THAP4: variants seen among roughly 807,000 people sequenced by gnomAD.
THAP4 encodes the protein peroxynitrite isomerase THAP4.
Under a neutral mutation model 48.1 loss-of-function variants are expected in THAP4, and 18 were observed. That is an observed-to-expected ratio of 0.37 (90% CI 0.26 to 0.56). THAP4 has a LOEUF of 0.56. Among genes scored for constraint, THAP4 ranks in the 20% least tolerant of loss-of-function variants. The pLI, the probability that THAP4 is intolerant of heterozygous loss-of-function variation, is 0.78. For synonymous variants in THAP4, 345 were observed against 324.9 expected (o/e 1.06, Z -0.66); for missense variants, 656 against 774.9 (o/e 0.85, Z 1.82).
chr2:241,629,462 C>T (rs768562746), intron 2 of THAP4, among the ~76,000 whole-genome samples: 1 of 148,016 alleles, frequency 6.8e-6, no homozygotes, highest in African/African-American at 2.5e-5. Context: ...CAGAGCAAAG[C>T]CCTGTCTCTT....
At chr2:241,602,934 A>G (rs770943922) in intron 4 of THAP4, 36 bp downstream of exon 4, 2 of 1,524,092 alleles carry the variant, frequency 1.3e-6, no homozygotes, top group Non-Finnish European at 1.8e-6. Flanking sequence ...GCAGCCTCCC[A>G]TGGCCAGCCC....
chr2:241,626,097 T>C (rs1457272483), intron 2 of THAP4, among the ~76,000 whole-genome samples: 1 of 152,120 alleles, frequency 6.6e-6, no homozygotes, highest in African/African-American at 2.4e-5. Flanking sequence ...CCATTCATGA[T>C]AACAGCTCTC....
chr2:241,630,982 C>T (rs1455047944), intron 2 of THAP4, among the ~76,000 whole-genome samples: 4 of 151,974 alleles, frequency 2.6e-5, no homozygotes, highest in Non-Finnish European at 4.4e-5. Flanking sequence ...TGCTTGAACC[C>T]GGGAGGCAGA....
upstream of THAP4, chr2:241,637,507 C>T: frequency 9.7e-6 from 14 of 1,440,082 alleles, no homozygotes; most frequent in Non-Finnish European, 1.2e-5. Flanking sequence ...CGACACGACC[C>T]CATGCCGCCC....
intron 2 of THAP4, among the ~76,000 whole-genome samples, chr2:241,629,328 G>A (rs1399155570): frequency 2.6e-5 from 4 of 151,918 alleles, no homozygotes; most frequent in South Asian, 2.1e-4. Context: ...AAAATTAGCC[G>A]GATGTGGTGG....
rs999841935 is a variant in THAP4 at position 241,601,620 on chromosome 2, A to G, written c.1614+276T>C. ...GAAAAATTTATCAATAGATATGGATATATCTGTAAACGTGGACAACCCAAA... is the reference window on the plus strand; with the variant it reads ...GAAAAATTTATCAATAGATATGGATGTATCTGTAAACGTGGACAACCCAAA... On this transcript the variant is annotated intron_variant, in intron 5 of 5. Transcript: ENST00000407315. The surrounding 1 kb of genome is among the most constrained non-coding windows in gnomAD (Gnocchi z 4.0). Among the ~76,000 whole-genome samples the G allele has an allele frequency of 3.3e-5, 5 of 152,164 alleles. No homozygotes were observed. The highest frequency in any genetic ancestry group is 7.4e-5 in the Non-Finnish European group (5 of 68,022).
chr2:241,588,120 C>T (rs926950480), intron 5 of THAP4, among the ~76,000 whole-genome samples: 2 of 151,712 alleles, frequency 1.3e-5, no homozygotes, highest in Admixed American at 6.6e-5. Context: ...TCACATGATA[C>T]GAGATCAATA....
chr2:241,633,333 C>A lies in THAP4; in HGVS notation c.824G>T (p.Gly275Val). ...GCTCTGGGCCAGGCCCTTGTCGGGT[C>A]CCAGGCTGCTCCCACTGCAGCTTGG... is the stretch of plus-strand genomic sequence containing the variant. ...VEPSCSGSSLGPDKGLAQSPP... is the reference protein window; with the variant it reads ...VEPSCSGSSLVPDKGLAQSPP... Residue 275 changes from glycine to valine, a missense_variant, in exon 2 of 6, where the codon GGA becomes GTA. Transcript: ENST00000407315. This position sits in a 1 kb window ranked among gnomAD's most constrained non-coding sequence, Gnocchi z 7.5. 1 of 1,612,438 alleles carries A rather than the reference C, an allele frequency of 6.2e-7. No homozygotes were observed. Among genetic ancestry groups the A allele is most frequent in the Admixed American group, 1.7e-5 (1 of 60,004 alleles).
chr2:241,606,245 C>G (rs2067182305), intron 3 of THAP4, 69 bp downstream of exon 3: 7 of 1,418,338 alleles, frequency 4.9e-6, no homozygotes, highest in Non-Finnish European at 5.7e-6. Flanking sequence ...TTTGATCAGT[C>G]TGGAATTATT....
chr2:241,587,365 C>T (rs1198567833), intron 5 of THAP4, among the ~76,000 whole-genome samples: 1 of 152,196 alleles, frequency 6.6e-6, no homozygotes, highest in African/African-American at 2.4e-5. Context: ...CCAGATGTCA[C>T]CAGCACCTCC....
At chr2:241,635,080 C>T (rs1357146854) in intron 1 of THAP4, among the ~76,000 whole-genome samples, 1 of 152,196 alleles carries the variant, frequency 6.6e-6, no homozygotes, top group Non-Finnish European at 1.5e-5. Context: ...GTGACAGCTG[C>T]ACAACAACGT....
At chr2:241,624,671 C>T (rs1212223190) in intron 2 of THAP4, among the ~76,000 whole-genome samples, 3 of 152,164 alleles carry the variant, frequency 2.0e-5, no homozygotes, top group Non-Finnish European at 4.4e-5. Flanking sequence ...TTCATGGAGG[C>T]TTAATTACAT....
intron 1 of THAP4, among the ~76,000 whole-genome samples, chr2:241,635,533 T>C (rs2067625485): frequency 1.3e-5 from 2 of 152,114 alleles, no homozygotes; most frequent in Admixed American, 1.3e-4. Context: ...GGCGGGTGGA[T>C]CACTTGAGGT....
chr2:241,629,463 CCT>C (rs995377969), intron 2 of THAP4, among the ~76,000 whole-genome samples: 7 of 148,072 alleles, frequency 4.7e-5, no homozygotes, highest in Non-Finnish European at 1.0e-4. Context: ...AGAGCAAAGC[CCT>C]GTCTCTTAAA....
intron 2 of THAP4, among the ~76,000 whole-genome samples, chr2:241,625,845 A>G (rs77632301): frequency 0.021 from 3,105 of 151,330 alleles, 43 homozygotes; most frequent in Non-Finnish European, 0.032. Context: ...AACTACAGAC[A>G]AATATCTCTC....
intron 2 of THAP4, among the ~76,000 whole-genome samples, chr2:241,607,490 A>G (rs2067197852): frequency 6.6e-6 from 1 of 151,762 alleles, no homozygotes; most frequent in African/African-American, 2.4e-5. Context: ...AGGCAATCCC[A>G]AAGACCTGCT....
At chr2:241,591,096 C>G (rs1437874122) in intron 5 of THAP4, among the ~76,000 whole-genome samples, 1 of 146,910 alleles carries the variant, frequency 6.8e-6, no homozygotes, top group Admixed American at 6.8e-5. Flanking sequence ...GGCACTAGGA[C>G]AGACAGAACT....
At chr2:241,614,065 A>G (rs1324076108) in intron 2 of THAP4, among the ~76,000 whole-genome samples, 3 of 151,996 alleles carry the variant, frequency 2.0e-5, no homozygotes, top group Non-Finnish European at 4.4e-5. Context: ...AGGTGGGGAG[A>G]ATCACTTGCG....
Position 241,616,970 on chromosome 2 carries a change from G to A in THAP4, c.1241-10497C>T, listed in dbSNP as rs2067356343. Reference sequence around the variant, plus strand: ...ACCTGCTCCTGGGGCCGCTCCCCCTGCACCCTCCACCACTTCGGGCCGCGT... The same window carrying A: ...ACCTGCTCCTGGGGCCGCTCCCCCTACACCCTCCACCACTTCGGGCCGCGT... On this transcript the variant is annotated intron_variant, in intron 2 of 5. Transcript: ENST00000407315. This position sits in a 1 kb window ranked among gnomAD's most constrained non-coding sequence, Gnocchi z 4.6. 6.6e-6 allele frequency among the ~76,000 whole-genome samples: 1 copy of A among 152,144 alleles called. No individual in the cohort carries two copies.
Sources: gnomAD v4.1 joint callset for allele counts (sites outside exome capture counted in the v4.1 genomes callset) on GRCh38, gnomAD v4.1.1 for gene constraint, Gnocchi (gnomAD v3.1) non-coding constraint, MANE v1.5 for transcripts, NCBI Gene and HGNC (gene_info 2026-07-23, HGNC 2026-07-21) for gene names.